The following CDK17 variants were observed in gnomAD, a reference collection of about 807,000 sequenced individuals.
CDK17 encodes the protein cyclin dependent kinase 17.
In CDK17, 24 loss-of-function variants were observed where a neutral mutation model predicts 77.6. The ratio of observed to expected loss-of-function variants is 0.31; its 90% CI spans 0.22 to 0.44. The LOEUF is 0.44. Among genes scored for constraint, CDK17 ranks in the 20% least tolerant of loss-of-function variants. CDK17 has a pLI of 1.00. For missense variants in CDK17, 429 were observed against 622.5 expected, an observed-to-expected ratio of 0.69 and a Z score of 3.31; for synonymous variants, 203 against 210.4, an observed-to-expected ratio of 0.96 and a Z score of 0.30.
intron 1 of CDK17, among the ~76,000 whole-genome samples, chr12:96,347,772 A>G (rs1474773730): frequency 6.6e-6 from 1 of 152,186 alleles, no homozygotes; most frequent in Non-Finnish European, 1.5e-5. Context: ...CATATGGAAC[A>G]TTCTCCAGGA....
intron 10 of CDK17, among the ~76,000 whole-genome samples, chr12:96,293,817 C>T (rs1016390694): frequency 6.6e-6 from 1 of 152,156 alleles, no homozygotes; most frequent in African/African-American, 2.4e-5. Context: ...ACATCAACAT[C>T]GATCTCATCA....
At chr12:96,346,308 C>T (rs371591962) in intron 1 of CDK17, among the ~76,000 whole-genome samples, 10 of 151,946 alleles carry the variant, frequency 6.6e-5, no homozygotes, top group African/African-American at 1.7e-4. Flanking sequence ...AAAAAACAGC[C>T]GGGCATGGTG....
At chr12:96,296,345 G>A (rs921763436) in intron 9 of CDK17, among the ~76,000 whole-genome samples, 1 of 152,102 alleles carries the variant, frequency 6.6e-6, no homozygotes, top group African/African-American at 2.4e-5. Flanking sequence ...TGTAAAATAA[G>A]ATGAAAACAA....
intron 1 of CDK17, among the ~76,000 whole-genome samples, chr12:96,367,344 CAAAAAAAAAA>C (rs56689330): frequency 1.0e-3 from 65 of 63,514 alleles, no homozygotes; most frequent in East Asian, 4.9e-3. Context: ...GACTCCACCT[CAAAAAAAAAA>C]AAAAAAAAAA....
In CDK17 at chr12:96,323,280, A is replaced by C. The variant is rs974982671; in HGVS notation, c.283+668T>G. ...AGACCCCGTCTTCTAAAAAAAAAAA[A>C]AAAACAAAAACAAACAAACAAACAA... is the stretch of plus-strand genomic sequence containing the variant. On this transcript the variant is annotated intron_variant, in intron 3 of 16. Coordinates refer to ENST00000261211, the MANE Select transcript of CDK17 (RefSeq NM_002595.5). 1.2e-4 allele frequency among the ~76,000 whole-genome samples: 16 copies of C among 133,142 alleles called. 1 individual carries two copies. Among genetic ancestry groups the C allele is most frequent in the African/African-American group, 2.5e-4 (9 of 36,586 alleles). The allele number at this position is 133,142 out of a possible 152,430, so 87.3% of individuals were successfully genotyped here. A position where few individuals can be genotyped will look rare whatever the true frequency, so the allele number is the denominator to read the frequency against.
At chr12:96,307,804 G>A (rs1297091678) in intron 5 of CDK17, among the ~76,000 whole-genome samples, 4 of 152,060 alleles carry the variant, frequency 2.6e-5, no homozygotes, top group African/African-American at 7.2e-5. Flanking sequence ...CAGAGGCAGA[G>A]GTTGCAACGA....
At chr12:96,323,871 G>T in intron 3 of CDK17, 77 bp downstream of exon 3, 1 of 1,004,420 alleles carries the variant, frequency 1.0e-6, no homozygotes, top group Non-Finnish European at 1.4e-6. Flanking sequence ...GATAATAAAA[G>T]TTGCTTAATT....
At chr12:96,366,436 C>T (rs772280343) in intron 1 of CDK17, among the ~76,000 whole-genome samples, 1 of 152,146 alleles carries the variant, frequency 6.6e-6, no homozygotes, top group Non-Finnish European at 1.5e-5. Flanking sequence ...CAGCCGCTAT[C>T]ATATATCTCA....
chr12:96,301,620 C>T (rs985223884), intron 5 of CDK17, among the ~76,000 whole-genome samples: 2 of 152,022 alleles, frequency 1.3e-5, no homozygotes, highest in Non-Finnish European at 2.9e-5. Context: ...TAGAATGGTG[C>T]TAATGCCCTT....
intron 1 of CDK17, among the ~76,000 whole-genome samples, chr12:96,345,686 A>G (rs952401082): frequency 1.3e-5 from 2 of 152,206 alleles, no homozygotes; most frequent in Non-Finnish European, 2.9e-5. Context: ...GACTATTTAT[A>G]TACTACTAAG....
chr12:96,394,754 A>G (rs1592778287), intron 1 of CDK17, among the ~76,000 whole-genome samples: 1 of 150,136 alleles, frequency 6.7e-6, no homozygotes, highest in Middle Eastern at 3.4e-3. Context: ...CGCAACTGCA[A>G]CACTGCACTC....
intron 15 of CDK17, 88 bp downstream of exon 15, chr12:96,282,421 A>T (rs1183196669): frequency 2.5e-6 from 2 of 811,090 alleles, no homozygotes; most frequent in Non-Finnish European, 4.2e-6. Flanking sequence ...TAGGCTTAAA[A>T]ATCAATAGCC....
At chr12:96,391,062 A>C (rs1954059536) in intron 1 of CDK17, among the ~76,000 whole-genome samples, 1 of 149,896 alleles carries the variant, frequency 6.7e-6, no homozygotes, top group Non-Finnish European at 1.5e-5. Context: ...ACTCCAACCT[A>C]AACGACAGAG....
intron 2 of CDK17, 148 bp from the exon 3 acceptor site, chr12:96,324,260 A>G (rs1952863904): frequency 2.3e-6 from 1 of 429,256 alleles, no homozygotes; most frequent in Admixed American, 4.4e-5. Flanking sequence ...CAGTATTAAA[A>G]TTAAAATAGT....
chr12:96,363,317 G>C (rs1389680750), intron 1 of CDK17, among the ~76,000 whole-genome samples: 1 of 151,978 alleles, frequency 6.6e-6, no homozygotes. Context: ...TGGGCATGGT[G>C]GTGGGCGCCT....
chr12:96,301,382 A>T (rs953768265), intron 5 of CDK17, among the ~76,000 whole-genome samples: 1 of 152,130 alleles, frequency 6.6e-6, no homozygotes, highest in Non-Finnish European at 1.5e-5. Context: ...CATGAAATAT[A>T]CCTAAATATG....
At chr12:96,301,950 G>A (rs543727560) in intron 5 of CDK17, among the ~76,000 whole-genome samples, 4 of 152,194 alleles carry the variant, frequency 2.6e-5, no homozygotes, top group Middle Eastern at 3.4e-3. Context: ...AAAACTGCAC[G>A]TCCAATAGTA....
At chr12:96,381,052 T>C (rs997527750) in intron 1 of CDK17, among the ~76,000 whole-genome samples, 1 of 152,186 alleles carries the variant, frequency 6.6e-6, no homozygotes, top group Non-Finnish European at 1.5e-5. Flanking sequence ...TTCCTCGTCA[T>C]GTTAATCCTA....
chr12:96,372,531 T>C (rs905225148), intron 1 of CDK17, among the ~76,000 whole-genome samples: 2 of 152,158 alleles, frequency 1.3e-5, no homozygotes, highest in Non-Finnish European at 2.9e-5. Flanking sequence ...AGCATAACAA[T>C]GAGCCAATTT....
Sources: allele counts gnomAD v4.1 joint callset (sites outside exome capture counted in the v4.1 genomes callset), GRCh38; gene constraint gnomAD v4.1.1; transcripts MANE v1.5; gene names NCBI Gene and HGNC (gene_info 2026-07-23, HGNC 2026-07-21).